The following GPR158 variants were observed in gnomAD, a reference collection of about 807,000 sequenced individuals.
The protein encoded by GPR158 is G protein-coupled receptor 158.
A neutral mutation model predicts 78.2 loss-of-function variants in GPR158; 30 were observed. The ratio of observed to expected loss-of-function variants is 0.38; its 90% CI spans 0.29 to 0.52. The LOEUF (loss-of-function observed/expected upper bound fraction) is 0.52. GPR158 is among the 20% of genes least tolerant of loss of function. The pLI, the probability that GPR158 is intolerant of heterozygous loss-of-function variation, is 0.83. For synonymous variants in GPR158, 581 were observed against 591.1 expected (o/e 0.98, Z 0.25); for missense variants, 1,463 against 1,523.5 (o/e 0.96, Z 0.66).
rs117398868 is a variant in GPR158 at position 25,578,335 on chromosome 10, C to G, written c.1753+5448C>G. 9.0e-4 allele frequency among the ~76,000 whole-genome samples: 137 copies of G among 152,254 alleles called. 1 individual carries two copies. The highest frequency in any genetic ancestry group is 3.4e-3 in the Middle Eastern group (1 of 294). On this transcript the variant is annotated intron_variant, in intron 7 of 10. Coordinates refer to ENST00000376351, the MANE Select transcript of GPR158 (RefSeq NM_020752.3). ...TCTTGAAAAATATTTGTTGAAAGAA[C>G]AAAGCAGTCAGCTGTCTTTATCTTG...
At chr10:25,481,767 A>G (rs1462527056) in intron 5 of GPR158, among the ~76,000 whole-genome samples, 1 of 152,174 alleles carries the variant, frequency 6.6e-6, no homozygotes, top group Non-Finnish European at 1.5e-5. Context: ...CAACTTCTCC[A>G]TATCCACACC....
intron 1 of GPR158, among the ~76,000 whole-genome samples, chr10:25,184,703 G>A (rs1313933390): frequency 6.6e-6 from 1 of 152,132 alleles, no homozygotes; most frequent in Non-Finnish European, 1.5e-5. Context: ...AGACCACTGA[G>A]GACTAATAAT....
At chr10:25,491,790 T>C (rs1835812401) in intron 5 of GPR158, among the ~76,000 whole-genome samples, 1 of 151,582 alleles carries the variant, frequency 6.6e-6, no homozygotes, top group African/African-American at 2.4e-5. Flanking sequence ...TTTATATCAC[T>C]GAAGAACATT....
At chr10:25,334,435 TCTC>T (rs1367569044) in intron 2 of GPR158, among the ~76,000 whole-genome samples, 1 of 152,082 alleles carries the variant, frequency 6.6e-6, no homozygotes, top group Non-Finnish European at 1.5e-5. Flanking sequence ...ATTTGTTTAA[TCTC>T]CTGTCATTGC....
chr10:25,450,293 G>T (rs2130600036), intron 4 of GPR158, among the ~76,000 whole-genome samples: 1 of 151,928 alleles, frequency 6.6e-6, no homozygotes, highest in East Asian at 1.9e-4. Context: ...CCCAAGGCTG[G>T]AAGAGCTGAG....
chr10:25,338,479 A>ATATATAT (rs1359652644), intron 2 of GPR158, among the ~76,000 whole-genome samples: 7 of 130,522 alleles, frequency 5.4e-5, no homozygotes, highest in Non-Finnish European at 1.1e-4. Flanking sequence ...TTATACGTAT[A>ATATATAT]ATATACGTAT....
At chr10:25,392,118 T>C (rs1391581849) in intron 2 of GPR158, among the ~76,000 whole-genome samples, 1 of 152,214 alleles carries the variant, frequency 6.6e-6, no homozygotes, top group Non-Finnish European at 1.5e-5. Flanking sequence ...TAAGACTCTT[T>C]CCTTTGTAAA....
At chr10:25,546,340 T>C (rs1182116117) in intron 5 of GPR158, among the ~76,000 whole-genome samples, 1 of 152,132 alleles carries the variant, frequency 6.6e-6, no homozygotes, top group Non-Finnish European at 1.5e-5. Flanking sequence ...ATCCAAAGAG[T>C]CAAGGCAATC....
Position 25,572,819 on chromosome 10 carries a change from G to T in GPR158, c.1685G>T (p.Gly562Val). The T allele has an allele frequency of 1.2e-6, 2 of 1,613,900 alleles. No homozygotes were observed. Among genetic ancestry groups the T allele is most frequent in the Non-Finnish European group, 8.5e-7 (1 of 1,179,872 alleles). ...LEKQISLIGQGKTSDHLIFNM... is the reference protein window; with the variant it reads ...LEKQISLIGQVKTSDHLIFNM... Reference sequence around the variant, plus strand: ...AAACAGATTTCACTTATTGGCCAGGGGAAAACATCCGATCACCTCATCTTC... The same window carrying T: ...AAACAGATTTCACTTATTGGCCAGGTGAAAACATCCGATCACCTCATCTTC... Residue 562 changes from glycine (G) to valine (V), a missense_variant, in exon 7 of 11, where the codon GGG becomes GTG. By Grantham distance (109) the Gly-to-Val change is moderately radical. Coordinates refer to ENST00000376351, the MANE Select transcript of GPR158 (RefSeq NM_020752.3).
At chr10:25,373,254 A>G (rs1292720469) in intron 2 of GPR158, among the ~76,000 whole-genome samples, 1 of 151,848 alleles carries the variant, frequency 6.6e-6, no homozygotes, top group African/African-American at 2.4e-5. Flanking sequence ...CATGGACACA[A>G]ATTGGGAAGC....
chr10:25,381,485 C>T (rs1416017194), intron 2 of GPR158, among the ~76,000 whole-genome samples: 3 of 152,046 alleles, frequency 2.0e-5, no homozygotes, highest in Non-Finnish European at 2.9e-5. Context: ...TAATGAGGAA[C>T]GTTGCTAGTA....
At chr10:25,436,822 T>G (rs1013658385) in intron 4 of GPR158, among the ~76,000 whole-genome samples, 2 of 152,196 alleles carry the variant, frequency 1.3e-5, no homozygotes, top group Non-Finnish European at 2.9e-5. Flanking sequence ...CAGTGACAGT[T>G]AAAAACACAA....
chr10:25,365,192 A>G (rs1167286617), intron 2 of GPR158, among the ~76,000 whole-genome samples: 3 of 151,854 alleles, frequency 2.0e-5, no homozygotes, highest in Non-Finnish European at 4.4e-5. Context: ...TCATGTTTGC[A>G]GATGAAAAGA....
At chr10:25,451,067 G>A (rs2130600978) in intron 4 of GPR158, among the ~76,000 whole-genome samples, 1 of 152,006 alleles carries the variant, frequency 6.6e-6, no homozygotes, top group South Asian at 2.1e-4. Context: ...TATTCCAACT[G>A]TTTCAACTTT....
At chr10:25,559,017 T>C (rs1345403813) in intron 6 of GPR158, among the ~76,000 whole-genome samples, 1 of 152,194 alleles carries the variant, frequency 6.6e-6, no homozygotes, top group Non-Finnish European at 1.5e-5. Context: ...TCCCTACTCA[T>C]TAGCTCTCTA....
At chr10:25,482,572 C>G (rs1432541960) in intron 5 of GPR158, among the ~76,000 whole-genome samples, 1 of 152,138 alleles carries the variant, frequency 6.6e-6, no homozygotes, top group Non-Finnish European at 1.5e-5. Flanking sequence ...TAAGAATTCT[C>G]TGTCTCCCTT....
chr10:25,319,829 C>A (rs550354811), intron 2 of GPR158, among the ~76,000 whole-genome samples: 4 of 144,714 alleles, frequency 2.8e-5, no homozygotes, highest in Admixed American at 6.7e-5. Context: ...CCCACCCCCC[C>A]CAAAAAAAAA....
intron 2 of GPR158, chr10:25,393,647 C>CTT (rs1358663121): frequency 6.6e-6 from 1 of 152,140 alleles, no homozygotes; most frequent in Non-Finnish European, 1.5e-5. Context: ...AACACAGCAG[C>CTT]TTGTGTACCC....
At chr10:25,555,919 A>G (rs938724659) in intron 6 of GPR158, among the ~76,000 whole-genome samples, 1 of 152,126 alleles carries the variant, frequency 6.6e-6, no homozygotes, top group Non-Finnish European at 1.5e-5. Context: ...TTAGCACCAA[A>G]TATTTACAGT....
Sources: allele counts gnomAD v4.1 joint callset (sites outside exome capture counted in the v4.1 genomes callset), GRCh38; gene constraint gnomAD v4.1.1; transcripts MANE v1.5; gene names NCBI Gene and HGNC (gene_info 2026-07-23, HGNC 2026-07-21).